The following DLG2 variants were observed in gnomAD, a reference collection of about 807,000 sequenced individuals.
DLG2 encodes disks large homolog 2.
Under a neutral mutation model 132.5 loss-of-function variants are expected in DLG2, and 45 were observed. The observed-to-expected ratio is 0.34, with a 90% confidence interval of 0.27 to 0.44. The LOEUF is 0.44. Ranked by LOEUF, DLG2 falls within the 20% of genes least tolerant of loss-of-function variation. The probability of loss-of-function intolerance (pLI) is 1.00; values close to 1 mark genes in which losing one functional copy is unlikely to be tolerated. For synonymous variants in DLG2, 424 were observed against 419.6 expected (o/e 1.01, Z -0.13); for missense variants, 1,045 against 1,196.9 (o/e 0.87, Z 1.87).
intron 3 of DLG2, among the ~76,000 whole-genome samples, chr11:85,301,365 C>T (rs1189325098): frequency 6.6e-6 from 1 of 151,988 alleles, no homozygotes; most frequent in Admixed American, 6.6e-5. Flanking sequence ...TCATTGTTGC[C>T]AGGAAGACTA....
At chr11:84,960,439 CTT>C (rs35143980) in intron 6 of DLG2, among the ~76,000 whole-genome samples, 3 of 144,974 alleles carry the variant, frequency 2.1e-5, no homozygotes, top group African/African-American at 2.5e-5. Context: ...ATTCTTTTAA[CTT>C]TTTTTTTTTT....
chr11:85,470,869 T>C (rs2092963841), intron 3 of DLG2, among the ~76,000 whole-genome samples: 1 of 152,230 alleles, frequency 6.6e-6, no homozygotes, highest in Non-Finnish European at 1.5e-5. Flanking sequence ...TTTAGAGATA[T>C]ACCTTCCTGG....
chr11:83,781,601 T>C (rs1162036341), intron 18 of DLG2, among the ~76,000 whole-genome samples: 1 of 152,170 alleles, frequency 6.6e-6, no homozygotes, highest in South Asian at 2.1e-4. Flanking sequence ...GTAAGGACTG[T>C]ACCATCCACG....
At chr11:84,624,381 A>G (rs2099618727) in intron 6 of DLG2, among the ~76,000 whole-genome samples, 1 of 152,138 alleles carries the variant, frequency 6.6e-6, no homozygotes, top group African/African-American at 2.4e-5. Context: ...TCAATAACTA[A>G]ATTGATACAT....
chr11:85,179,812 C>T lies in DLG2; in HGVS notation c.187-25161G>A, dbSNP rs141446405. Reference sequence around the variant, plus strand: ...AACTGAACAACATAAATGTTAATAACGGTAGTTAATACTTCCTATTCTGCA... The same window carrying T: ...AACTGAACAACATAAATGTTAATAATGGTAGTTAATACTTCCTATTCTGCA... On this transcript the variant is annotated intron_variant, in intron 4 of 27. Transcript: ENST00000376104. Among the ~76,000 whole-genome samples, 42 of 151,920 alleles carry T rather than the reference C, an allele frequency of 2.8e-4. No homozygotes were observed. The East Asian group carries it at 5.2e-3, about 19-fold the overall frequency.
At chr11:83,696,105 G>T (rs928594939) in intron 18 of DLG2, among the ~76,000 whole-genome samples, 1 of 152,198 alleles carries the variant, frequency 6.6e-6, no homozygotes, top group African/African-American at 2.4e-5. Flanking sequence ...TGGCAACCAG[G>T]TGGAGGATGG....
At chr11:84,962,321 T>C (rs562882519) in intron 6 of DLG2, among the ~76,000 whole-genome samples, 2 of 152,358 alleles carry the variant, frequency 1.3e-5, no homozygotes, top group African/African-American at 4.8e-5. Context: ...ATGAGCAAAC[T>C]AGGGGTAAAG....
intron 7 of DLG2, chr11:84,273,429 G>T: frequency 9.0e-7 from 1 of 1,105,106 alleles, no homozygotes; most frequent in East Asian, 3.0e-5. Context: ...TCTTTTGGGG[G>T]ATAACTGGGC....
chr11:83,665,798 T>G lies in DLG2; in HGVS notation c.1826-32473A>C, dbSNP rs182950223. On this transcript the variant is annotated intron_variant, in intron 18 of 27. Transcript: ENST00000376104. ...CCACTTTGGAGATTCTTGAGATTTT[T>G]TTTTTTAGAGAACGGGGAATGCGTT... 1.0e-3 allele frequency among the ~76,000 whole-genome samples: 154 copies of G among 152,354 alleles called. 1 individual carries two copies. Among genetic ancestry groups the G allele is most frequent in the South Asian group, 8.9e-3 (43 of 4,824 alleles).
chr11:84,654,804 G>A (rs901774429), intron 6 of DLG2, among the ~76,000 whole-genome samples: 5 of 152,096 alleles, frequency 3.3e-5, no homozygotes, highest in African/African-American at 1.2e-4. Context: ...CTGGCATGAA[G>A]TTCAGAGGCA....
intron 4 of DLG2, among the ~76,000 whole-genome samples, chr11:85,183,754 A>G (rs1215784442): frequency 1.3e-5 from 2 of 151,970 alleles, no homozygotes; most frequent in African/African-American, 4.8e-5. Context: ...TCTGAATATT[A>G]GATCACTAGT....
chr11:84,523,021 G>C (rs2099309271), intron 7 of DLG2, among the ~76,000 whole-genome samples: 1 of 152,092 alleles, frequency 6.6e-6, no homozygotes, highest in Non-Finnish European at 1.5e-5. Context: ...ATAATAATTT[G>C]AATAACACAC....
chr11:84,495,522 AC>A (rs1202457564), intron 7 of DLG2, among the ~76,000 whole-genome samples: 1 of 152,114 alleles, frequency 6.6e-6, no homozygotes, highest in Non-Finnish European at 1.5e-5. Context: ...TCATTTTATC[AC>A]CAGGTCATTA....
chr11:84,185,412 C>T (rs551344616), intron 8 of DLG2, among the ~76,000 whole-genome samples: 11 of 152,222 alleles, frequency 7.2e-5, no homozygotes, highest in African/African-American at 2.4e-4. Flanking sequence ...GATTTTTGTA[C>T]ATTGATTTTG....
At chr11:84,604,427 T>C (rs1225372176) in intron 6 of DLG2, among the ~76,000 whole-genome samples, 1 of 151,854 alleles carries the variant, frequency 6.6e-6, no homozygotes, top group Non-Finnish European at 1.5e-5. Context: ...AGAAATTAAA[T>C]TATGTAGGGC....
At chr11:83,507,409 A>G (rs926826648) in intron 21 of DLG2, among the ~76,000 whole-genome samples, 2 of 149,104 alleles carry the variant, frequency 1.3e-5, no homozygotes, top group African/African-American at 4.9e-5. Context: ...ATATATATAT[A>G]TATACACACA....
At chr11:85,448,262 AT>A in intron 3 of DLG2, among the ~76,000 whole-genome samples, 1 of 152,334 alleles carries the variant, frequency 6.6e-6, no homozygotes, top group South Asian at 2.1e-4. Flanking sequence ...AAGAAACAAC[AT>A]TAAGTTTACC....
intron 6 of DLG2, among the ~76,000 whole-genome samples, chr11:84,618,375 T>C (rs2099608194): frequency 6.6e-6 from 1 of 152,046 alleles, no homozygotes; most frequent in Admixed American, 6.6e-5. Context: ...TGGTGAGCCG[T>C]CCTGCTATAA....
At chr11:83,604,600 A>AT (rs2059044326) in intron 19 of DLG2, among the ~76,000 whole-genome samples, 1 of 152,192 alleles carries the variant, frequency 6.6e-6, no homozygotes, top group African/African-American at 2.4e-5. Flanking sequence ...GTCTAAAGCC[A>AT]TGTATTGTTC....
Sources: allele counts gnomAD v4.1 joint callset (sites outside exome capture counted in the v4.1 genomes callset), GRCh38; gene constraint gnomAD v4.1.1; transcripts MANE v1.5; gene names NCBI Gene and HGNC (gene_info 2026-07-23, HGNC 2026-07-21).